Variants in SMCO4 observed in about 807,000 individuals in gnomAD.
The protein encoded by SMCO4 is single-pass membrane and coiled-coil domain-containing protein 4.
SMCO4 carries 4 observed loss-of-function variants against 3.6 expected under a neutral mutation model. The observed-to-expected ratio is 1.11, with a 90% confidence interval of 0.54 to 2.53. SMCO4 has a LOEUF of 2.53. Among genes scored for constraint, SMCO4 ranks in the 30% most tolerant of loss-of-function variants. The pLI is 0.02. For synonymous variants in SMCO4, 36 were observed against 35.3 expected (o/e 1.02, Z -0.07); for missense variants, 70 against 80.8 (o/e 0.87, Z 0.51).
the SMCO4 span, among the ~76,000 whole-genome samples, chr11:93,553,473 T>C: frequency 6.6e-6 from 1 of 152,206 alleles, no homozygotes; most frequent in African/African-American, 2.4e-5. Context: ...TTTATGAATG[T>C]TGGTAACAAA....
At chr11:93,532,079 C>T (rs118087090) in intron 1 of SMCO4, among the ~76,000 whole-genome samples, 3,202 of 152,264 alleles carry the variant, frequency 0.021, 50 homozygotes, top group Non-Finnish European at 0.035. Flanking sequence ...TCATCAGGAC[C>T]TTCTGAGGCT....
chr11:93,479,671 T>G (rs558885462), intron 2 of SMCO4, among the ~76,000 whole-genome samples: 2 of 152,320 alleles, frequency 1.3e-5, no homozygotes, highest in East Asian at 3.9e-4. Flanking sequence ...ATCTCCAGCA[T>G]GGAACTGCAG....
intron 1 of SMCO4, among the ~76,000 whole-genome samples, chr11:93,534,375 T>TATATAGAG (rs369643237): frequency 0.017 from 2,421 of 142,106 alleles, 46 homozygotes; most frequent in East Asian, 0.05. Flanking sequence ...TATATATATA[T>TATATAGAG]AGAGAGAGAG....
upstream of SMCO4, among the ~76,000 whole-genome samples, chr11:93,547,722 T>TA (rs1662200821): frequency 1.3e-5 from 2 of 152,202 alleles, no homozygotes; most frequent in South Asian, 4.1e-4. Context: ...TCTTCTGACT[T>TA]AATCCATGTG....
chr11:93,506,700 C>T (rs1195191391), intron 1 of SMCO4, among the ~76,000 whole-genome samples: 2 of 152,176 alleles, frequency 1.3e-5, no homozygotes, highest in East Asian at 3.9e-4. Context: ...CTCGGCCTCC[C>T]AAAGTGCTGG....
chr11:93,526,827 G>A (rs1371131579), intron 1 of SMCO4, among the ~76,000 whole-genome samples: 1 of 152,172 alleles, frequency 6.6e-6, no homozygotes, highest in Non-Finnish European at 1.5e-5. Flanking sequence ...GGAAGCCTAA[G>A]TATGTCTACC....
chr11:93,498,328 T>C (rs1304314322), intron 2 of SMCO4, among the ~76,000 whole-genome samples: 1 of 152,112 alleles, frequency 6.6e-6, no homozygotes, highest in South Asian at 2.1e-4. Flanking sequence ...AGGACAAAGG[T>C]TGGGGGCAGG....
intron 1 of SMCO4, among the ~76,000 whole-genome samples, chr11:93,541,152 C>A (rs1376757773): frequency 1.3e-5 from 2 of 152,206 alleles, no homozygotes; most frequent in Admixed American, 6.5e-5. Flanking sequence ...TGTGGTGTGA[C>A]CCTGGCCAAG....
intron 1 of SMCO4, among the ~76,000 whole-genome samples, chr11:93,538,926 A>G (rs966513753): frequency 5.9e-5 from 9 of 152,208 alleles, no homozygotes; most frequent in Non-Finnish European, 1.3e-4. Flanking sequence ...TCTAGAATAC[A>G]GGCCTGACCC....
chr11:93,499,057 G>C (rs185925521), intron 2 of SMCO4, among the ~76,000 whole-genome samples: 2 of 152,262 alleles, frequency 1.3e-5, no homozygotes, highest in South Asian at 2.1e-4. Context: ...AGAAAGTGTC[G>C]TGGGGGTTCA....
chr11:93,551,896 C>T, the SMCO4 span, among the ~76,000 whole-genome samples: 532 of 152,218 alleles, frequency 3.5e-3, 6 homozygotes, highest in Non-Finnish European at 5.5e-3. Context: ...AGAAGTACTT[C>T]CTGAAACTTG....
chr11:93,528,682 G>A (rs992154208), intron 1 of SMCO4, among the ~76,000 whole-genome samples: 2 of 152,184 alleles, frequency 1.3e-5, no homozygotes, highest in East Asian at 3.8e-4. Flanking sequence ...AGAGGTGAAG[G>A]GAGACCCCCA....
chr11:93,510,855 T>C (rs758894607), intron 1 of SMCO4, among the ~76,000 whole-genome samples: 1 of 152,090 alleles, frequency 6.6e-6, no homozygotes, highest in Non-Finnish European at 1.5e-5. Context: ...TCCAAGCACT[T>C]TGGGATGCTG....
intron 2 of SMCO4, among the ~76,000 whole-genome samples, chr11:93,497,929 C>CT (rs966103889): frequency 6.6e-6 from 1 of 152,094 alleles, no homozygotes; most frequent in African/African-American, 2.4e-5. Flanking sequence ...AACTGATTTT[C>CT]TTTTTTTTGA....
chr11:93,545,614 G>C (rs1299067318), upstream of SMCO4, among the ~76,000 whole-genome samples: 1 of 144,114 alleles, frequency 6.9e-6, no homozygotes, highest in African/African-American at 2.5e-5. Context: ...AAAAAAGAGA[G>C]AGAGAGAGAA....
intron 1 of SMCO4, among the ~76,000 whole-genome samples, chr11:93,520,832 T>C (rs1949050614): frequency 6.6e-6 from 1 of 152,166 alleles, no homozygotes; most frequent in South Asian, 2.1e-4. Context: ...TTCTGTCCAG[T>C]GCCTTTCACC....
chr11:93,520,899 G>A (rs1949051628), intron 1 of SMCO4, among the ~76,000 whole-genome samples: 1 of 152,196 alleles, frequency 6.6e-6, no homozygotes, highest in African/African-American at 2.4e-5. Flanking sequence ...GGTGCTGCTA[G>A]GCTCAGTGAG....
intron 1 of SMCO4, among the ~76,000 whole-genome samples, chr11:93,519,978 T>G (rs935182242): frequency 6.6e-6 from 1 of 152,036 alleles, no homozygotes; most frequent in African/African-American, 2.4e-5. Flanking sequence ...AAAGCTACAC[T>G]ACGAACATAA....
At chr11:93,489,505 C>T (rs1360052214) in intron 2 of SMCO4, among the ~76,000 whole-genome samples, 1 of 152,108 alleles carries the variant, frequency 6.6e-6, no homozygotes, top group East Asian at 1.9e-4. Flanking sequence ...CAGCTTGGGG[C>T]CCACTGCAGT....
Sources: gnomAD v4.1 joint callset for allele counts (sites outside exome capture counted in the v4.1 genomes callset) on GRCh38, gnomAD v4.1.1 for gene constraint, MANE v1.5 for transcripts, NCBI Gene and HGNC (gene_info 2026-07-23, HGNC 2026-07-21) for gene names.